Variants in ZRANB3 observed in about 807,000 individuals in gnomAD.
The protein encoded by ZRANB3 is zinc finger RANBP2-type containing 3, also known as DNA annealing helicase and endonuclease ZRANB3.
In ZRANB3, 125 loss-of-function variants were observed where a neutral mutation model predicts 133.8. That is an observed-to-expected ratio of 0.93 (90% confidence interval 0.81 to 1.08). The LOEUF (loss-of-function observed/expected upper bound fraction) is 1.08. Ranked by LOEUF, ZRANB3 falls within the 50% of genes least tolerant of loss-of-function variation. The pLI is 0.00. For missense variants in ZRANB3, 1,229 were observed against 1,275.5 expected (o/e 0.96, Z 0.56); for synonymous variants, 387 against 432.7 (o/e 0.89, Z 1.31).
At chr2:135,240,325 G>A (rs1466730631) in intron 12 of ZRANB3, among the ~76,000 whole-genome samples, 1 of 151,976 alleles carries the variant, frequency 6.6e-6, no homozygotes, top group Non-Finnish European at 1.5e-5. Flanking sequence ...AAAACAAAAT[G>A]GTAACAAAGA....
At chr2:135,201,124 A>G (rs888012725) in intron 20 of ZRANB3, among the ~76,000 whole-genome samples, 3 of 152,170 alleles carry the variant, frequency 2.0e-5, no homozygotes, top group Non-Finnish European at 4.4e-5. Flanking sequence ...GAGCTGGTGC[A>G]GAAAATAAAA....
intron 6 of ZRANB3, among the ~76,000 whole-genome samples, chr2:135,323,909 A>G (rs532252159): frequency 1.3e-5 from 2 of 151,952 alleles, no homozygotes; most frequent in Non-Finnish European, 2.9e-5. Flanking sequence ...CTGAGATTAC[A>G]GGCATGCAAC....
chr2:135,202,675 G>C (rs1693672162), intron 20 of ZRANB3, 157 bp downstream of exon 20: 1 of 834,968 alleles, frequency 1.2e-6, no homozygotes, highest in Non-Finnish European at 1.7e-6. Flanking sequence ...CACGGGCCTT[G>C]AGAGGAAAGG....
At chr2:135,424,375 T>C (rs1332364891) in intron 2 of ZRANB3, among the ~76,000 whole-genome samples, 1 of 151,980 alleles carries the variant, frequency 6.6e-6, no homozygotes, top group African/African-American at 2.4e-5. Context: ...CTGAACAATG[T>C]AGAAAGAAAG....
intron 19 of ZRANB3, among the ~76,000 whole-genome samples, chr2:135,206,700 G>A (rs1200095463): frequency 6.7e-6 from 1 of 149,432 alleles, no homozygotes; most frequent in Non-Finnish European, 1.5e-5. Context: ...AAGGAGAAAA[G>A]GAAGGAAGGG....
chr2:135,228,788 A>AT (rs918488506), intron 13 of ZRANB3, among the ~76,000 whole-genome samples: 12 of 152,154 alleles, frequency 7.9e-5, no homozygotes, highest in Admixed American at 5.2e-4. Context: ...TAATAATTAT[A>AT]TTTTTTATAT....
At chr2:135,395,815 A>G (rs1687464755) in intron 2 of ZRANB3, among the ~76,000 whole-genome samples, 1 of 152,144 alleles carries the variant, frequency 6.6e-6, no homozygotes, top group Admixed American at 6.6e-5. Context: ...AAAATGGACA[A>G]ATGGGATCAC....
chr2:135,263,906 G>C (rs1017119963), intron 12 of ZRANB3, among the ~76,000 whole-genome samples: 3 of 151,060 alleles, frequency 2.0e-5, no homozygotes, highest in Non-Finnish European at 4.4e-5. Flanking sequence ...CTCCCAAGTA[G>C]CTGGGATTAC....
At chr2:135,383,889 C>T (rs1005425083) in intron 3 of ZRANB3, among the ~76,000 whole-genome samples, 2 of 152,022 alleles carry the variant, frequency 1.3e-5, no homozygotes, top group African/African-American at 2.4e-5. Flanking sequence ...CAAGGGACAG[C>T]AGGAAAGATC....
intron 3 of ZRANB3, among the ~76,000 whole-genome samples, chr2:135,363,976 T>A (rs535379104): frequency 1.2e-4 from 19 of 152,154 alleles, no homozygotes; most frequent in African/African-American, 4.6e-4. Context: ...CTGGGGAGGC[T>A]GAGCTAGGAG....
At chr2:135,342,991 C>G (rs1008437712) in intron 6 of ZRANB3, among the ~76,000 whole-genome samples, 1 of 139,036 alleles carries the variant, frequency 7.2e-6, no homozygotes, top group South Asian at 2.2e-4. Context: ...ATGGCGAAAC[C>G]CTGTCTCTAC....
At chr2:135,511,535 C>G in intron 1 of ZRANB3, 1 of 1,022,320 alleles carries the variant, frequency 9.8e-7, no homozygotes, top group Non-Finnish European at 1.6e-6. Context: ...CCACCAAAGA[C>G]CTCATCTTGC....
At chr2:135,519,270 G>A (rs946497214) in intron 1 of ZRANB3, among the ~76,000 whole-genome samples, 2 of 152,042 alleles carry the variant, frequency 1.3e-5, no homozygotes, top group African/African-American at 4.8e-5. Context: ...AAGGTCCACA[G>A]TATCTCTCCG....
rs1315038556 is a variant in ZRANB3 at position 135,355,259 on chromosome 2, T to C, written c.181-1631A>G. On this transcript the variant is annotated intron_variant, in intron 3 of 20. Transcript: ENST00000264159. ...GGATAATAATTAGTATGTTTCCGTG[T>C]CTTCAAAGCCCTCCAATTTTCACAC... 6.1e-6 allele frequency: 6 copies of C among 985,294 alleles called. No homozygotes were observed. In the East Asian group the frequency reaches 6.8e-4, roughly 112 times the overall value. 61.0% of individuals were successfully genotyped at this position (985,294 alleles called of 1,614,324 possible). A position where few individuals can be genotyped will look rare whatever the true frequency, so the allele number is the denominator to read the frequency against.
chr2:135,358,634 A>G (rs1685542090), intron 3 of ZRANB3, among the ~76,000 whole-genome samples: 1 of 152,170 alleles, frequency 6.6e-6, no homozygotes, highest in African/African-American at 2.4e-5. Context: ...AAGAAATATG[A>G]AGTCATTTTA....
chr2:135,208,198 T>A (rs1693958193), intron 18 of ZRANB3, among the ~76,000 whole-genome samples: 1 of 152,180 alleles, frequency 6.6e-6, no homozygotes, highest in South Asian at 2.1e-4. Context: ...GTGGCTACCC[T>A]GCTCCTTAAA....
chr2:135,277,064 T>A (rs1160492730), intron 8 of ZRANB3, among the ~76,000 whole-genome samples: 2 of 152,196 alleles, frequency 1.3e-5, no homozygotes, highest in East Asian at 1.9e-4. Flanking sequence ...GAATCCTATA[T>A]TGATGATAGG....
intron 17 of ZRANB3, among the ~76,000 whole-genome samples, chr2:135,212,906 T>C (rs1694159390): frequency 6.6e-6 from 1 of 152,178 alleles, no homozygotes; most frequent in South Asian, 2.1e-4. Context: ...CCAAGTGAAT[T>C]AGGCCTGCCT....
intron 2 of ZRANB3, among the ~76,000 whole-genome samples, chr2:135,407,194 C>T (rs1234472085): frequency 6.6e-6 from 1 of 151,974 alleles, no homozygotes; most frequent in Non-Finnish European, 1.5e-5. Context: ...AAACAGAGAG[C>T]CAAATCATGA....
Sources: gnomAD v4.1 joint callset for allele counts (sites outside exome capture counted in the v4.1 genomes callset) on GRCh38, gnomAD v4.1.1 for gene constraint, MANE v1.5 for transcripts, NCBI Gene and HGNC (gene_info 2026-07-23, HGNC 2026-07-21) for gene names.